Variants in PTPRT observed in about 807,000 individuals in gnomAD.
PTPRT encodes the protein protein tyrosine phosphatase receptor type T.
Under a neutral mutation model 176.8 loss-of-function variants are expected in PTPRT, and 56 were observed. That is an observed-to-expected ratio of 0.32 (90% confidence interval 0.26 to 0.40). The LOEUF (loss-of-function observed/expected upper bound fraction) is 0.40. PTPRT is among the 10% of genes least tolerant of loss of function. The pLI, the probability that PTPRT is intolerant of heterozygous loss-of-function variation, is 1.00. For synonymous variants in PTPRT, 783 were observed against 739.0 expected, an observed-to-expected ratio of 1.06 and a Z score of -0.96; for missense variants, 1,540 against 1,908.2, an observed-to-expected ratio of 0.81 and a Z score of 3.60.
chr20:42,257,384 A>G (rs1350698894), intron 13 of PTPRT, among the ~76,000 whole-genome samples: 3 of 152,186 alleles, frequency 2.0e-5, no homozygotes, highest in Admixed American at 6.5e-5. Flanking sequence ...GGCTTTTACT[A>G]CAATCCAGGC....
At chr20:42,934,651 G>A (rs1980059655) in intron 1 of PTPRT, among the ~76,000 whole-genome samples, 1 of 152,178 alleles carries the variant, frequency 6.6e-6, no homozygotes, top group African/African-American at 2.4e-5. Context: ...ATTGACCAGA[G>A]GCATCCTTCA....
intron 17 of PTPRT, among the ~76,000 whole-genome samples, chr20:42,145,832 C>T (rs1014173473): frequency 2.0e-5 from 3 of 152,140 alleles, no homozygotes; most frequent in Non-Finnish European, 4.4e-5. Flanking sequence ...GTGTCCAACG[C>T]CCTTAGACAA....
chr20:42,366,938 T>C (rs1408235425), intron 9 of PTPRT, among the ~76,000 whole-genome samples: 1 of 152,248 alleles, frequency 6.6e-6, no homozygotes, highest in Non-Finnish European at 1.5e-5. Flanking sequence ...AAAGTGGCTT[T>C]GAGACGTTGC....
chr20:42,592,264 C>T (rs1036821365), intron 7 of PTPRT, among the ~76,000 whole-genome samples: 4 of 152,122 alleles, frequency 2.6e-5, no homozygotes, highest in Non-Finnish European at 5.9e-5. Flanking sequence ...CATGAGCCAC[C>T]GCACCCAGCT....
chr20:42,864,964 C>A (rs973115875), intron 2 of PTPRT, among the ~76,000 whole-genome samples: 3 of 152,156 alleles, frequency 2.0e-5, no homozygotes, highest in African/African-American at 7.2e-5. Context: ...GTTGCCATCA[C>A]CCAGAAAAGA....
Position 42,434,463 on chromosome 20 carries a change from G to A in PTPRT, c.1560+13757C>T, listed in dbSNP as rs575618817. On this transcript the variant is annotated intron_variant, in intron 9 of 30. Coordinates refer to ENST00000373187, the MANE Select transcript of PTPRT (RefSeq NM_007050.6). Reference sequence around the variant, plus strand: ...TTAGCAAATTAATTCTATGAGTTAAGTATAAACTCACTGGTCACTGGAACC... The same window carrying A: ...TTAGCAAATTAATTCTATGAGTTAAATATAAACTCACTGGTCACTGGAACC... Among the ~76,000 whole-genome samples, 6 of 152,198 alleles carry A rather than the reference G, an allele frequency of 3.9e-5. No homozygotes were observed. In the South Asian group the frequency reaches 1.2e-3, roughly 32 times the overall value.
chr20:42,227,526 C>T (rs2056042021), intron 15 of PTPRT, among the ~76,000 whole-genome samples: 1 of 151,000 alleles, frequency 6.6e-6, no homozygotes, highest in South Asian at 2.1e-4. Context: ...CTCTAAAAAG[C>T]TTTTCCTTGG....
downstream of PTPRT, among the ~76,000 whole-genome samples, chr20:42,071,814 G>A (rs1982350354): frequency 6.6e-6 from 1 of 152,116 alleles, no homozygotes; most frequent in Non-Finnish European, 1.5e-5. Context: ...GTGCCACCAT[G>A]CCTGGCTAAT....
At chr20:42,709,310 G>A (rs1039100036) in intron 6 of PTPRT, among the ~76,000 whole-genome samples, 1 of 152,184 alleles carries the variant, frequency 6.6e-6, no homozygotes, top group African/African-American at 2.4e-5. Context: ...GGTGGGACCT[G>A]GTGGAAGGTG....
intron 7 of PTPRT, among the ~76,000 whole-genome samples, chr20:42,535,822 G>A (rs1332882552): frequency 1.3e-5 from 2 of 152,172 alleles, no homozygotes; most frequent in African/African-American, 4.8e-5. Context: ...TTCAGGCAGG[G>A]TTTGGAGTTG....
At chr20:42,913,832 G>C (rs1258245558) in intron 1 of PTPRT, among the ~76,000 whole-genome samples, 1 of 152,166 alleles carries the variant, frequency 6.6e-6, no homozygotes, top group Non-Finnish European at 1.5e-5. Flanking sequence ...CAAGCATTGG[G>C]GGTGTTGGGT....
At chr20:42,907,158 AAAG>A (rs2079489288) in intron 1 of PTPRT, among the ~76,000 whole-genome samples, 1 of 152,230 alleles carries the variant, frequency 6.6e-6, no homozygotes, top group South Asian at 2.1e-4. Context: ...AAACATTTAA[AAAG>A]AAGACCTCTG....
intron 11 of PTPRT, among the ~76,000 whole-genome samples, chr20:42,346,169 C>T (rs1259017482): frequency 1.3e-5 from 2 of 152,098 alleles, no homozygotes; most frequent in Non-Finnish European, 2.9e-5. Context: ...TCCAGAGGAC[C>T]AGTCTCCATG....
intron 11 of PTPRT, among the ~76,000 whole-genome samples, chr20:42,319,926 T>G (rs964902434): frequency 6.6e-6 from 1 of 152,150 alleles, no homozygotes; most frequent in Non-Finnish European, 1.5e-5. Context: ...GAGAAAGGAT[T>G]TTTTTAGTAG....
chr20:43,100,663 C>T (rs531146558), intron 1 of PTPRT, among the ~76,000 whole-genome samples: 3 of 152,312 alleles, frequency 2.0e-5, no homozygotes, highest in South Asian at 2.1e-4. Context: ...GGGACATAAA[C>T]GGCTCTCATC....
chr20:42,226,787 A>G lies in PTPRT; in HGVS notation c.2342+9442T>C, dbSNP rs191594358. Among the ~76,000 whole-genome samples the G allele has an allele frequency of 3.1e-3, 478 of 152,140 alleles. 2 individuals are homozygous for G. Among genetic ancestry groups the G allele is most frequent in the African/African-American group, 0.011 (445 of 41,526 alleles). ...GGTTCTCTCCTCTGGCTGGATCAGC[A>G]AAAGGGTATTGCTACGGTCTTCTCT... On this transcript the variant is annotated intron_variant, in intron 15 of 30. Transcript: ENST00000373187.
chr20:42,750,331 C>T (rs917101904), intron 6 of PTPRT, among the ~76,000 whole-genome samples: 5 of 151,868 alleles, frequency 3.3e-5, no homozygotes, highest in East Asian at 1.9e-4. Flanking sequence ...ATATATTATG[C>T]TATATATATG....
At chr20:42,376,315 C>T (rs2058648371) in intron 9 of PTPRT, among the ~76,000 whole-genome samples, 1 of 152,172 alleles carries the variant, frequency 6.6e-6, no homozygotes, top group Non-Finnish European at 1.5e-5. Context: ...CTGACCCTCA[C>T]CACACTCTCA....
chr20:42,506,726 A>G (rs944187131), intron 7 of PTPRT, among the ~76,000 whole-genome samples: 4 of 152,136 alleles, frequency 2.6e-5, no homozygotes, highest in Non-Finnish European at 4.4e-5. Flanking sequence ...ATTTATGTGA[A>G]AAAAAACACT....
Sources: allele counts gnomAD v4.1 joint callset (sites outside exome capture counted in the v4.1 genomes callset), GRCh38; gene constraint gnomAD v4.1.1; transcripts MANE v1.5; gene names NCBI Gene and HGNC (gene_info 2026-07-23, HGNC 2026-07-21).